Variants in EXPH5 observed in about 807,000 individuals in gnomAD.
EXPH5 encodes exophilin 5.
A neutral mutation model predicts 41.1 loss-of-function variants in EXPH5; 42 were observed. That is an observed-to-expected ratio of 1.02 (90% CI 0.80 to 1.32). The LOEUF (loss-of-function observed/expected upper bound fraction) is 1.32, where lower values mean the gene tolerates loss of function less well. Ranked by LOEUF, EXPH5 falls within the 40% of genes most tolerant of loss-of-function variation. The pLI is 0.00. For missense variants in EXPH5, 2,298 were observed against 2,314.5 expected, an observed-to-expected ratio of 0.99 and a Z score of 0.15; for synonymous variants, 798 against 833.5, an observed-to-expected ratio of 0.96 and a Z score of 0.73.
At chr11:108,541,258 T>C (rs1026646014) in intron 2 of EXPH5, among the ~76,000 whole-genome samples, 5 of 152,138 alleles carry the variant, frequency 3.3e-5, no homozygotes, top group African/African-American at 9.7e-5. Context: ...GTAACCACCT[T>C]ATGAGGTGTA....
At chr11:108,574,051 G>A (rs1349300175) in intron 1 of EXPH5, among the ~76,000 whole-genome samples, 3 of 150,038 alleles carry the variant, frequency 2.0e-5, no homozygotes, top group East Asian at 3.9e-4. Context: ...ACAGGCGTTC[G>A]CCACCACGCC....
chr11:108,508,154 G>C lies in EXPH5; in HGVS notation c.*1383C>G, dbSNP rs1281247938. The C allele has an allele frequency of 1.3e-5, 2 of 152,086 alleles. No individual in the cohort carries two copies. The highest frequency in any genetic ancestry group is 2.4e-5 in the African/African-American group (1 of 41,276). 9.4% of individuals were successfully genotyped at this position (152,086 alleles called of 1,614,324 possible). A position where few individuals can be genotyped will look rare whatever the true frequency, so the allele number is the denominator to read the frequency against. ...AGATCATGCCATTGCACTCTAGCCT[G>C]AGCAACAAGAACAAGACTCCACCTC... On this transcript the variant is annotated 3_prime_UTR_variant, in exon 6 of 6. Coordinates refer to ENST00000265843, the MANE Select transcript of EXPH5 (RefSeq NM_015065.3).
chr11:108,585,485 C>T (rs936964420), intron 1 of EXPH5, among the ~76,000 whole-genome samples: 5 of 152,126 alleles, frequency 3.3e-5, no homozygotes, highest in African/African-American at 9.7e-5. Context: ...GAAAAGGCAC[C>T]CTCTATGAGG....
intron 1 of EXPH5, 47 bp from the exon 2 acceptor site, chr11:108,541,859 C>T (rs2136033424): frequency 7.1e-7 from 1 of 1,413,176 alleles, no homozygotes. Flanking sequence ...ATTTTCTTAA[C>T]ATCAAGCTCA....
chr11:108,593,752 A>G lies in EXPH5; in HGVS notation c.-216T>C, dbSNP rs116635733. On this transcript the variant is annotated 5_prime_UTR_variant, in exon 1 of 6. Coordinates refer to ENST00000265843, the MANE Select transcript of EXPH5 (RefSeq NM_015065.3). Reference sequence around the variant, plus strand: ...ATGACATGTTTCTCTCAACCTGTCCAACCGAGATGCAAAGTGAACGGCTAA... The same window carrying G: ...ATGACATGTTTCTCTCAACCTGTCCGACCGAGATGCAAAGTGAACGGCTAA... 2.5e-4 allele frequency: 377 copies of G among 1,536,028 alleles called. 3 individuals are homozygous for G. The African/African-American group carries it at 4.3e-3, about 17-fold the overall frequency.
chr11:108,550,557 T>C (rs1381728422), intron 1 of EXPH5, among the ~76,000 whole-genome samples: 1 of 152,034 alleles, frequency 6.6e-6, no homozygotes, highest in Non-Finnish European at 1.5e-5. Flanking sequence ...GGCAGACGGA[T>C]CATTTGAGGC....
intron 3 of EXPH5, among the ~76,000 whole-genome samples, chr11:108,529,384 G>A (rs1046323243): frequency 2.0e-5 from 3 of 152,142 alleles, no homozygotes; most frequent in African/African-American, 7.2e-5. Flanking sequence ...CCAGGCTGGA[G>A]TGTAGTGGTA....
chr11:108,561,298 C>T (rs764782496), intron 1 of EXPH5, among the ~76,000 whole-genome samples: 6 of 152,126 alleles, frequency 3.9e-5, no homozygotes, highest in African/African-American at 1.4e-4. Flanking sequence ...GCTTTGATTC[C>T]CTTTGACATT....
At position 108,557,138 on chromosome 11, in the gene EXPH5, A is replaced by G. The variant is rs531568832; in HGVS notation, c.120-15326T>C. Among the ~76,000 whole-genome samples, 5 of 152,350 alleles carry G rather than the reference A, an allele frequency of 3.3e-5. No individual in the cohort carries two copies. The East Asian group carries it at 7.7e-4, about 24-fold the overall frequency. On this transcript the variant is annotated intron_variant, in intron 1 of 5. Transcript: ENST00000265843. Reference sequence around the variant, plus strand: ...TAGAGAGGCCCTCTGGCCCTCCAAAATAGATTATTCCTTCTCCCATATTCA... The same window carrying G: ...TAGAGAGGCCCTCTGGCCCTCCAAAGTAGATTATTCCTTCTCCCATATTCA...
chr11:108,523,849 G>C (rs2093780742), intron 4 of EXPH5, among the ~76,000 whole-genome samples: 1 of 152,158 alleles, frequency 6.6e-6, no homozygotes, highest in Non-Finnish European at 1.5e-5. Flanking sequence ...TCCAGCCTGG[G>C]TGACAGAGTG....
chr11:108,511,894 G>A lies in EXPH5; in HGVS notation c.3613C>T (p.Leu1205Phe), dbSNP rs1192860515. ...MAASRRSVFA[L>F]SNEDPLPFCS... The stretch of plus-strand genomic sequence containing the variant: ...AAAGGTAAAGGGTCTTCATTTGAAA[G>A]AGCAAATACACTTCTCCTGGAGGCA... The change falls in exon 6 of 6, where the codon CTT becomes TTT. Residue 1205 changes from leucine to phenylalanine, a missense_variant. Coordinates refer to ENST00000265843, the MANE Select transcript of EXPH5 (RefSeq NM_015065.3). 4 of 1,589,180 alleles carry A rather than the reference G, an allele frequency of 2.5e-6. No individual in the cohort carries two copies. Among genetic ancestry groups the A allele is most frequent in the South Asian group, 1.2e-5 (1 of 85,850 alleles).
In EXPH5 at chr11:108,584,082, G is replaced by A. The variant is rs140809598; in HGVS notation, c.119+9336C>T. ...AATTTATATGGAAAAGCAAAGGAATGATATAGACAAAATAGTTTTAAAAAC... is the reference window on the plus strand; with the variant it reads ...AATTTATATGGAAAAGCAAAGGAATAATATAGACAAAATAGTTTTAAAAAC... On this transcript the variant is annotated intron_variant, in intron 1 of 5. Transcript: ENST00000265843. Among the ~76,000 whole-genome samples the A allele has an allele frequency of 6.7e-3, 1,016 of 152,280 alleles. 11 individuals are homozygous for A. The highest frequency in any genetic ancestry group is 0.023 in the African/African-American group (950 of 41,554).
intron 4 of EXPH5, among the ~76,000 whole-genome samples, chr11:108,526,360 C>T (rs1167401249): frequency 6.6e-6 from 1 of 152,198 alleles, no homozygotes; most frequent in East Asian, 1.9e-4. Context: ...GGAATCAGGA[C>T]TGTCAAAGTA....
chr11:108,573,141 A>AAAGAAAGG (rs2094066919), intron 1 of EXPH5, among the ~76,000 whole-genome samples: 1 of 95,228 alleles, frequency 1.1e-5, no homozygotes, highest in Non-Finnish European at 2.0e-5. Flanking sequence ...GGAAAGAAGG[A>AAAGAAAGG]AAGAAAGAAA....
intron 1 of EXPH5, chr11:108,568,135 G>A (rs2094042630): frequency 6.8e-6 from 1 of 146,884 alleles, no homozygotes; most frequent in South Asian, 2.2e-4. Context: ...CTGCTTCAGG[G>A]AGGAGAAGCA....
intron 1 of EXPH5, among the ~76,000 whole-genome samples, chr11:108,590,713 C>T (rs1164296609): frequency 6.6e-6 from 1 of 152,212 alleles, no homozygotes; most frequent in Non-Finnish European, 1.5e-5. Context: ...GTGGAACAAT[C>T]ATAGTTCACT....
At position 108,561,814 on chromosome 11, in the gene EXPH5, C is replaced by A. The variant is rs138318405; in HGVS notation, c.120-20002G>T. Among the ~76,000 whole-genome samples the A allele has an allele frequency of 6.4e-3, 976 of 152,272 alleles. 7 individuals carry two copies. Among genetic ancestry groups the A allele is most frequent in the African/African-American group, 0.021 (882 of 41,536 alleles). The stretch of plus-strand genomic sequence containing the variant: ...GAGCAGTACCATGAAGAGAAGCCAT[C>A]AGGCACCAGAGTCTTGAACAGGAGG... On this transcript the variant is annotated intron_variant, in intron 1 of 5. Transcript: ENST00000265843.
chr11:108,576,592 G>A (rs1306085743), intron 1 of EXPH5, among the ~76,000 whole-genome samples: 1 of 151,822 alleles, frequency 6.6e-6, no homozygotes, highest in African/African-American at 2.4e-5. Flanking sequence ...TTTTGAATTT[G>A]CTTCTAATTT....
chr11:108,529,765 A>G (rs1357688360), intron 3 of EXPH5, among the ~76,000 whole-genome samples: 2 of 151,450 alleles, frequency 1.3e-5, no homozygotes, highest in Non-Finnish European at 2.9e-5. Context: ...AATTGCTTGA[A>G]CCTGGGAGGC....
Sources: gnomAD v4.1 joint callset for allele counts (sites outside exome capture counted in the v4.1 genomes callset) on GRCh38, gnomAD v4.1.1 for gene constraint, MANE v1.5 for transcripts, NCBI Gene and HGNC (gene_info 2026-07-23, HGNC 2026-07-21) for gene names.